Variants in CAPN10 observed in about 807,000 individuals in gnomAD.
CAPN10 encodes the protein calpain 10.
Under a neutral mutation model 78.4 loss-of-function variants are expected in CAPN10, and 71 were observed. That is an observed-to-expected ratio of 0.91 (90% CI 0.75 to 1.10). The LOEUF is 1.10. Among genes scored for constraint, CAPN10 ranks in the 50% least tolerant of loss-of-function variants. The pLI is 0.00. For missense variants in CAPN10, 849 were observed against 924.6 expected, an observed-to-expected ratio of 0.92 and a Z score of 1.06; for synonymous variants, 437 against 407.2, an observed-to-expected ratio of 1.07 and a Z score of -0.88.
chr2:240,590,694 C>G, intron 2 of CAPN10, 121 bp from the exon 3 acceptor site: 1 of 807,772 alleles, frequency 1.2e-6, no homozygotes, highest in South Asian at 1.7e-5. Flanking sequence ...CGTTAGAGTT[C>G]TCTGCAGACC....
Position 240,586,755 on chromosome 2 carries a change from G to C in CAPN10, c.-157G>C. On this transcript the variant is annotated 5_prime_UTR_variant, in exon 1 of 12. Coordinates refer to ENST00000391984, the MANE Select transcript of CAPN10 (RefSeq NM_023083.4). ...TGGGAGACTAGCGGGCCGGCGTACT[G>C]GCCTGGTCCAGCACCTGCGGGGCCC... 1 of 618,216 alleles carries C rather than the reference G, an allele frequency of 1.6e-6. No individual in the cohort carries two copies. Among genetic ancestry groups the C allele is most frequent in the Non-Finnish European group, 2.4e-6 (1 of 422,428 alleles). 38.3% of individuals were successfully genotyped at this position (618,216 alleles called of 1,614,324 possible).
Position 240,592,159 on chromosome 2 carries a change from C to A in CAPN10, c.688+9C>A. ...GCTCAGCCCCAGAGCAGGTGAGGCA[C>A]GTGGCCAGCATGGGAGGGCTGCAGC... On this transcript the variant is annotated intron_variant, in intron 4 of 11. Coordinates refer to ENST00000391984, the MANE Select transcript of CAPN10 (RefSeq NM_023083.4). 5.1e-6 allele frequency: 8 copies of A among 1,553,474 alleles called. No individual in the cohort carries two copies. The highest frequency in any genetic ancestry group is 6.1e-6 in the Non-Finnish European group (7 of 1,148,144).
chr2:240,589,574 C>A, intron 2 of CAPN10, 100 bp downstream of exon 2: 1 of 1,420,760 alleles, frequency 7.0e-7, no homozygotes, highest in Non-Finnish European at 9.4e-7. Flanking sequence ...AGAGCTGTGC[C>A]GCAGCCGGAT....
At chr2:240,597,212 G>A (rs1253090694) in intron 9 of CAPN10, among the ~76,000 whole-genome samples, 1 of 152,218 alleles carries the variant, frequency 6.6e-6, no homozygotes, top group Non-Finnish European at 1.5e-5. Context: ...GGTGGTGAGT[G>A]GGGAGGAAGG....
At chr2:240,594,481 G>C in intron 5 of CAPN10, 62 bp from the exon 6 acceptor site, 2 of 1,540,062 alleles carry the variant, frequency 1.3e-6, no homozygotes, top group Non-Finnish European at 8.8e-7. Context: ...CCCCCAGCCT[G>C]CCGGCAAGTT....
intron 7 of CAPN10, 146 bp downstream of exon 7, chr2:240,595,450 G>A (rs554772041): frequency 2.0e-4 from 171 of 841,494 alleles, no homozygotes; most frequent in East Asian, 8.0e-5. Flanking sequence ...GCTGTTGCAC[G>A]GGGTTGACGT....
rs750507423 is a variant in CAPN10, at chr2:240,590,920, C to G, written c.379C>G (p.Arg127Gly). ...GRWVEVTTDD[R>G]LPCLAGRLCF... ...CTGGGTGGAGGTGACCACAGATGAC[C>G]GCCTGCCGTGCCTTGCAGGGAGACT... The change falls in exon 3 of 12, where the codon CGC becomes GGC. Residue 127 changes from arginine (R) to glycine (G), a missense_variant. Arg to Gly is a moderately radical substitution (Grantham distance 125, BLOSUM62 -2). Coordinates refer to ENST00000391984, the MANE Select transcript of CAPN10 (RefSeq NM_023083.4). 6.2e-7 allele frequency: 1 copy of G among 1,614,230 alleles called. No individual in the cohort carries two copies. The highest frequency in any genetic ancestry group is 1.1e-5 in the South Asian group (1 of 91,086).
intron 3 of CAPN10, chr2:240,591,600 T>G: frequency 5.4e-6 from 2 of 370,786 alleles, no homozygotes; most frequent in Non-Finnish European, 4.9e-6. Flanking sequence ...CAAGGGCTGT[T>G]TTAGGAAAAG....
At chr2:240,594,493 A>G in intron 5 of CAPN10, 50 bp from the exon 6 acceptor site, 1 of 1,569,538 alleles carries the variant, frequency 6.4e-7, no homozygotes. Context: ...CGGCAAGTTG[A>G]CACTACCAGT....
chr2:240,595,840 T>TG, intron 7 of CAPN10: 1 of 834,204 alleles, frequency 1.2e-6, no homozygotes. Context: ...GAAGAACAGA[T>TG]GGGGGCGCCT....
intron 9 of CAPN10, 21 bp from the exon 10 acceptor site, chr2:240,597,867 C>G (rs754976548): frequency 1.1e-4 from 178 of 1,568,156 alleles, no homozygotes; most frequent in Non-Finnish European, 1.5e-4. Flanking sequence ...CCCCCTCAGT[C>G]TGAGCCTGCG....
intron 9 of CAPN10, 78 bp downstream of exon 9, chr2:240,597,020 A>G: frequency 6.4e-7 from 1 of 1,565,426 alleles, no homozygotes; most frequent in Non-Finnish European, 8.8e-7. Flanking sequence ...CCATTGTCCC[A>G]ACAGAGGGCT....
chr2:240,587,733 A>G (rs2093077402), intron 1 of CAPN10, among the ~76,000 whole-genome samples: 1 of 152,216 alleles, frequency 6.6e-6, no homozygotes, highest in South Asian at 2.1e-4. Flanking sequence ...TCCTTGGACA[A>G]CACTGAAGGG....
At chr2:240,596,547 G>A (rs751132481) in intron 8 of CAPN10, 26 bp downstream of exon 8, 1 of 1,571,554 alleles carries the variant, frequency 6.4e-7, no homozygotes, top group Non-Finnish European at 8.7e-7. Flanking sequence ...CAGTGCTGCT[G>A]GCTCTCCGAG....
Position 240,587,012 on chromosome 2 carries a change from T to C in CAPN10, c.101T>C (p.Leu34Pro). The C allele has an allele frequency of 1.4e-6, 2 of 1,475,490 alleles. No individual in the cohort carries two copies. Among genetic ancestry groups the C allele is most frequent in the Non-Finnish European group, 1.8e-6 (2 of 1,110,370 alleles). 91.4% of individuals were successfully genotyped at this position (1,475,490 alleles called of 1,614,324 possible). A position where few individuals can be genotyped will look rare whatever the true frequency, so the allele number is the denominator to read the frequency against. Reference protein sequence around the residue: ...SSLFCDLSTPLAQFREDITWR... With the variant: ...SSLFCDLSTPPAQFREDITWR... ...CTCTTCTGCGACTTGTCTACGCCGC[T>C]GGCCCAGTTCCGCGAGGACATCACG... The change falls in exon 1 of 12, where the codon CTG becomes CCG. Residue 34 changes from leucine to proline, a missense_variant. By Grantham distance (98) the Leu-to-Pro change is moderately conservative. Coordinates refer to ENST00000391984, the MANE Select transcript of CAPN10 (RefSeq NM_023083.4).
intron 10 of CAPN10, 23 bp from the exon 11 acceptor site, chr2:240,598,329 G>A (rs747493903): frequency 2.2e-5 from 35 of 1,613,322 alleles, no homozygotes; most frequent in Non-Finnish European, 2.9e-5. Flanking sequence ...GTCTGGGAGC[G>A]CTGATCTGGT....
In CAPN10 at chr2:240,590,837, G is replaced by A. The variant is rs374645877; in HGVS notation, c.296G>A (p.Ser99Asn). The A allele has an allele frequency of 2.5e-6, 4 of 1,614,186 alleles. No homozygotes were observed. In the Admixed American group the frequency reaches 5.0e-5, roughly 20 times the overall value. Residue 99 changes from serine (S) to asparagine (N), a missense_variant, in exon 3 of 12, where the codon AGC becomes AAC. By Grantham distance (46) the Ser-to-Asn change is conservative. Transcript: ENST00000391984. ...LDQVIPPGQP[S>N]WADQEYRGSF... Reference sequence around the variant, plus strand: ...CAGGTCATTCCTCCGGGACAGCCGAGCTGGGCCGACCAGGAGTACCGGGGC... The same window carrying A: ...CAGGTCATTCCTCCGGGACAGCCGAACTGGGCCGACCAGGAGTACCGGGGC...
chr2:240,594,561 G>T lies in CAPN10; in HGVS notation c.849G>T (p.Gln283His). ...LWREGGEGWS[Q>H]VDAAVASELL... ...CTTCCAGGGGTGAAGGGTGGAGCCA[G>T]GTAGATGCAGCGGTAGCATCTGAGC... is the stretch of plus-strand genomic sequence containing the variant. Residue 283 changes from glutamine to histidine, a missense_variant, in exon 6 of 12, where the codon CAG (glutamine) becomes CAT (histidine). By Grantham distance (24) the Gln-to-His change is conservative (BLOSUM62 0). Transcript: ENST00000391984. 1 of 1,613,716 alleles carries T rather than the reference G, an allele frequency of 6.2e-7. No homozygotes were observed. The highest frequency in any genetic ancestry group is 8.5e-7 in the Non-Finnish European group (1 of 1,179,878).
In CAPN10 at chr2:240,598,060, C is replaced by T. The variant is rs767456254; in HGVS notation, c.1916C>T (p.Thr639Ile). The change falls in exon 10 of 12, where the codon ACA becomes ATA. Residue 639 changes from threonine to isoleucine, a missense_variant. Coordinates refer to ENST00000391984, the MANE Select transcript of CAPN10 (RefSeq NM_023083.4). Reference sequence around the variant, plus strand: ...CTGCCGGACACAGAGGGGGCCTTCACAGTGACCATCGCAACCAGGATTGAC... The same window carrying T: ...CTGCCGGACACAGAGGGGGCCTTCATAGTGACCATCGCAACCAGGATTGAC... ...TYLPDTEGAF[T>I]VTIATRIDRP... 6.2e-7 allele frequency: 1 copy of T among 1,610,960 alleles called. No homozygotes were observed. Among genetic ancestry groups the T allele is most frequent in the Non-Finnish European group, 8.5e-7 (1 of 1,178,162 alleles).
Sources: allele counts gnomAD v4.1 joint callset (sites outside exome capture counted in the v4.1 genomes callset), GRCh38; gene constraint gnomAD v4.1.1; transcripts MANE v1.5; gene names NCBI Gene and HGNC (gene_info 2026-07-23, HGNC 2026-07-21).